Variants in DNAL1 observed in about 807,000 individuals in gnomAD.
DNAL1 encodes the protein dynein axonemal light chain 1, also known as chromosome 14 open reading frame 168.
DNAL1 carries 17 observed loss-of-function variants against 29.4 expected under a neutral mutation model. The ratio of observed to expected loss-of-function variants is 0.58; its 90% CI spans 0.40 to 0.87. The LOEUF is 0.87. Among genes scored for constraint, DNAL1 ranks in the 40% least tolerant of loss-of-function variants. The pLI, the probability that DNAL1 is intolerant of heterozygous loss-of-function variation, is 0.00. For synonymous variants in DNAL1, 78 were observed against 76.3 expected, an observed-to-expected ratio of 1.02 and a Z score of -0.12; for missense variants, 188 against 214.1, an observed-to-expected ratio of 0.88 and a Z score of 0.76.
intron 7 of DNAL1, among the ~76,000 whole-genome samples, chr14:73,690,437 G>C (rs547096098): frequency 2.0e-5 from 3 of 152,106 alleles, no homozygotes; most frequent in African/African-American, 7.2e-5. Flanking sequence ...CAGATCACCT[G>C]AGGTTGGGAG....
intron 1 of DNAL1, among the ~76,000 whole-genome samples, chr14:73,654,614 C>G (rs1327708036): frequency 6.6e-6 from 1 of 152,004 alleles, no homozygotes; most frequent in African/African-American, 2.4e-5. Context: ...AAAAAATTAG[C>G]CGGGAGTGGT....
chr14:73,686,081 A>G (rs4903135), intron 5 of DNAL1, among the ~76,000 whole-genome samples: 34,760 of 152,110 alleles, frequency 0.23, 5,069 homozygotes, highest in Non-Finnish European at 0.33. Context: ...CAAGGTTCCA[A>G]TTTCTCCACA....
In DNAL1 at chr14:73,663,782, T is replaced by A. The variant is rs550150188; in HGVS notation, c.208+1740T>A. The stretch of plus-strand genomic sequence containing the variant: ...TTTAATGAGTGAAAAAAGAAAGCTC[T>A]CTGCAGTGGAAAGGGAACCCCAAGT... On this transcript the variant is annotated intron_variant, in intron 4 of 7. Coordinates refer to ENST00000553645, the MANE Select transcript of DNAL1 (RefSeq NM_031427.4). 2.0e-5 allele frequency among the ~76,000 whole-genome samples: 3 copies of A among 152,322 alleles called. No homozygotes were observed. In the East Asian group the frequency reaches 5.8e-4, roughly 29 times the overall value.
intron 7 of DNAL1, among the ~76,000 whole-genome samples, chr14:73,691,846 A>AC (rs775100350): frequency 0.024 from 2,477 of 102,736 alleles, 87 homozygotes; most frequent in African/African-American, 0.06. Flanking sequence ...GGCGTGCGCC[A>AC]CCCCCCCCCC....
rs8008968 is a variant in DNAL1, at chr14:73,682,694, C to G, written c.265-4565C>G. Among the ~76,000 whole-genome samples the G allele has an allele frequency of 6.6e-3, 1,006 of 151,794 alleles. 16 individuals are homozygous for G. The highest frequency in any genetic ancestry group is 0.023 in the African/African-American group (945 of 41,412). On this transcript the variant is annotated intron_variant, in intron 5 of 7. Coordinates refer to ENST00000553645, the MANE Select transcript of DNAL1 (RefSeq NM_031427.4). Reference sequence around the variant, plus strand: ...TTTGTTAAAAATGAAGACACAAACACATACATTAGCCTAGGCCTACCCAGA... The same window carrying G: ...TTTGTTAAAAATGAAGACACAAACAGATACATTAGCCTAGGCCTACCCAGA...
rs1453143912 is a variant in DNAL1 at position 73,654,826 on chromosome 14, TTC to T, written c.4-19_4-18del. 1.3e-6 allele frequency: 2 copies of T among 1,510,702 alleles called. No homozygotes were observed. The highest frequency in any genetic ancestry group is 4.9e-5 in the East Asian group (2 of 40,710). The allele number at this position is 1,510,702 out of a possible 1,614,324, so 93.6% of individuals were successfully genotyped here. On this transcript the variant is annotated intron_variant, in intron 1 of 7. Transcript: ENST00000553645. ...CATACAACTTTGTTTTTTCTTTTCTTTCTTTTTTTTTTTTTTAAAGGCGAAAG... is the reference window on the plus strand; with the variant it reads ...CATACAACTTTGTTTTTTCTTTTCTTTTTTTTTTTTTTTTAAAGGCGAAAG...
chr14:73,657,114 A>C (rs1891236691), intron 2 of DNAL1, among the ~76,000 whole-genome samples: 1 of 151,804 alleles, frequency 6.6e-6, no homozygotes, highest in Admixed American at 6.6e-5. Flanking sequence ...TGGTGATTTA[A>C]GTTTTTTAAA....
chr14:73,695,845 C>G, intron 7 of DNAL1, 57 bp from the exon 8 acceptor site: 1 of 1,454,776 alleles, frequency 6.9e-7, no homozygotes, highest in Non-Finnish European at 9.4e-7. Flanking sequence ...ATATTTTCAT[C>G]TAGAATTTTA....
chr14:73,700,751 T>A lies in DNAL1; in HGVS notation c.*4809T>A, dbSNP rs189814303. 2.6e-5 allele frequency: 4 copies of A among 152,352 alleles called. No individual in the cohort carries two copies. The East Asian group carries it at 7.7e-4, about 29-fold the overall frequency. The allele number at this position is 152,352 out of a possible 1,614,324, so 9.4% of individuals were successfully genotyped here. On this transcript the variant is annotated 3_prime_UTR_variant, in exon 8 of 8. Coordinates refer to ENST00000553645, the MANE Select transcript of DNAL1 (RefSeq NM_031427.4). ...ATTGCATGTTACCCTTTACTAGAAATTCATTCCTTTGGCACAGATTTTATT... is the reference window on the plus strand; with the variant it reads ...ATTGCATGTTACCCTTTACTAGAAAATCATTCCTTTGGCACAGATTTTATT...
intron 1 of DNAL1, among the ~76,000 whole-genome samples, chr14:73,653,518 AT>A (rs1484041596): frequency 6.6e-6 from 1 of 151,084 alleles, no homozygotes; most frequent in Non-Finnish European, 1.5e-5. Flanking sequence ...TGCCAGGCTA[AT>A]TTTTTTTTAA....
chr14:73,669,805 A>C (rs751768298), intron 4 of DNAL1, among the ~76,000 whole-genome samples: 3 of 152,042 alleles, frequency 2.0e-5, no homozygotes, highest in Non-Finnish European at 4.4e-5. Flanking sequence ...AAAGATATGA[A>C]TTTTCCGGGG....
At chr14:73,683,644 T>C (rs1182975932) in intron 5 of DNAL1, among the ~76,000 whole-genome samples, 1 of 147,288 alleles carries the variant, frequency 6.8e-6, no homozygotes, top group Non-Finnish European at 1.5e-5. Context: ...CAGTCTCTGG[T>C]AACTACTGTT....
intron 5 of DNAL1, among the ~76,000 whole-genome samples, chr14:73,682,729 A>G (rs1891918168): frequency 1.3e-5 from 2 of 152,112 alleles, no homozygotes; most frequent in African/African-American, 4.8e-5. Flanking sequence ...AGTCAATATC[A>G]CTGTCTTCCA....
chr14:73,675,475 A>C (rs1891709426), intron 5 of DNAL1, among the ~76,000 whole-genome samples: 1 of 151,574 alleles, frequency 6.6e-6, no homozygotes, highest in Non-Finnish European at 1.5e-5. Flanking sequence ...AATTAAAAAA[A>C]AAATTTTTTT....
chr14:73,693,549 G>A (rs546692948), intron 7 of DNAL1, among the ~76,000 whole-genome samples: 7 of 151,180 alleles, frequency 4.6e-5, no homozygotes, highest in African/African-American at 1.2e-4. Flanking sequence ...ACATAGTGTT[G>A]AATAAAAGAA....
intron 5 of DNAL1, among the ~76,000 whole-genome samples, chr14:73,682,897 T>C (rs1470325232): frequency 1.5e-5 from 2 of 134,646 alleles, no homozygotes; most frequent in Non-Finnish European, 3.2e-5. Flanking sequence ...TTTTTTTTAG[T>C]TGGAGTTTCG....
At chr14:73,682,266 G>A (rs1010807054) in intron 5 of DNAL1, among the ~76,000 whole-genome samples, 1 of 145,164 alleles carries the variant, frequency 6.9e-6, no homozygotes, top group Admixed American at 7.0e-5. Flanking sequence ...TGCCTCCCAG[G>A]TTCAAGTGAT....
intron 4 of DNAL1, among the ~76,000 whole-genome samples, chr14:73,670,538 T>C (rs1391408552): frequency 1.3e-5 from 2 of 152,076 alleles, no homozygotes; most frequent in Non-Finnish European, 2.9e-5. Context: ...AAAAATAATA[T>C]ATGCACCTGG....
At chr14:73,687,010 ATTT>A (rs372358652) in intron 5 of DNAL1, among the ~76,000 whole-genome samples, 1 of 141,442 alleles carries the variant, frequency 7.1e-6, no homozygotes. Context: ...ATGTTTTGTG[ATTT>A]TTTTTTTTTT....
Sources: allele counts gnomAD v4.1 joint callset (sites outside exome capture counted in the v4.1 genomes callset), GRCh38; gene constraint gnomAD v4.1.1; transcripts MANE v1.5; gene names NCBI Gene and HGNC (gene_info 2026-07-23, HGNC 2026-07-21).